CRAMP1: variants seen among roughly 807,000 people sequenced by gnomAD.
The protein encoded by CRAMP1 is protein cramped-like.
A neutral mutation model predicts 115.4 loss-of-function variants in CRAMP1; 50 were observed. That is an observed-to-expected ratio of 0.43 (90% CI 0.35 to 0.55). The LOEUF (loss-of-function observed/expected upper bound fraction) is 0.55. Among genes scored for constraint, CRAMP1 ranks in the 20% least tolerant of loss-of-function variants. The pLI, the probability that CRAMP1 is intolerant of heterozygous loss-of-function variation, is 0.01. For synonymous variants in CRAMP1, 866 were observed against 745.4 expected (o/e 1.16, Z -2.64); for missense variants, 1,679 against 1,721.7 (o/e 0.98, Z 0.44).
chr16:1,658,870 G>A (rs941131398), intron 10 of CRAMP1, among the ~76,000 whole-genome samples: 5 of 152,164 alleles, frequency 3.3e-5, no homozygotes, highest in Non-Finnish European at 5.9e-5. Context: ...AGGTTGCCCC[G>A]GGTGGGATGT....
At chr16:1,618,034 G>A (rs747754743) in intron 2 of CRAMP1, among the ~76,000 whole-genome samples, 22 of 152,276 alleles carry the variant, frequency 1.4e-4, no homozygotes, top group Middle Eastern at 3.4e-3. Context: ...CGTGACCCTG[G>A]GACGCACTGG....
At position 1,672,081 on chromosome 16, in the gene CRAMP1, C is replaced by T. The variant is rs1053278751; in HGVS notation, c.3645+1272C>T. 1.5e-4 allele frequency among the ~76,000 whole-genome samples: 23 copies of T among 152,264 alleles called. No individual in the cohort carries two copies. Among genetic ancestry groups the T allele is most frequent in the African/African-American group, 5.1e-4 (21 of 41,558 alleles). ...GCTCTGTGGAGATGGGCGCTGCGTA[C>T]GTGCCCTGAGGCAGCATGCTCACGC... On this transcript the variant is annotated intron_variant, in intron 20 of 20. Transcript: ENST00000397412. The surrounding 1 kb of genome is among the most constrained non-coding windows in gnomAD (Gnocchi z 4.9).
At chr16:1,629,859 C>T (rs2036535624) in intron 3 of CRAMP1, among the ~76,000 whole-genome samples, 1 of 152,166 alleles carries the variant, frequency 6.6e-6, no homozygotes, top group South Asian at 2.1e-4. Context: ...GGGGTGCCAG[C>T]CTTCCAGCCC....
At chr16:1,633,646 A>T (rs539640810) in intron 4 of CRAMP1, among the ~76,000 whole-genome samples, 2 of 152,302 alleles carry the variant, frequency 1.3e-5, no homozygotes, top group Non-Finnish European at 1.5e-5. Flanking sequence ...CCGTCATCCA[A>T]GGCTGTTGTG....
intron 6 of CRAMP1, among the ~76,000 whole-genome samples, chr16:1,643,565 C>G (rs1465315286): frequency 6.6e-6 from 1 of 151,890 alleles, no homozygotes; most frequent in African/African-American, 2.4e-5. Context: ...AAAAAAAACC[C>G]TCAGGTGGTT....
intron 13 of CRAMP1, 93 bp downstream of exon 13, chr16:1,662,928 A>G: frequency 1.0e-6 from 1 of 991,028 alleles, no homozygotes; most frequent in Non-Finnish European, 1.5e-6. Flanking sequence ...CATGGTGTAA[A>G]ATGTGGGAAA....
chr16:1,660,745 G>C (rs2036821519), intron 11 of CRAMP1, among the ~76,000 whole-genome samples: 2 of 152,230 alleles, frequency 1.3e-5, no homozygotes, highest in Admixed American at 1.3e-4. Context: ...AGTGGCTGAT[G>C]CCTGTAATCC....
At chr16:1,628,008 AG>A in intron 3 of CRAMP1, among the ~76,000 whole-genome samples, 1 of 152,296 alleles carries the variant, frequency 6.6e-6, no homozygotes, top group South Asian at 2.1e-4. Flanking sequence ...AAGGTAGCAG[AG>A]GAGGAGTTCC....
chr16:1,639,500 C>T (rs557702360), intron 5 of CRAMP1, among the ~76,000 whole-genome samples: 2 of 151,928 alleles, frequency 1.3e-5, no homozygotes, highest in South Asian at 4.2e-4. Flanking sequence ...AAAGGTTACA[C>T]TCTATGCAAG....
At chr16:1,633,758 C>A (rs543053621) in intron 4 of CRAMP1, among the ~76,000 whole-genome samples, 1 of 152,154 alleles carries the variant, frequency 6.6e-6, no homozygotes, top group African/African-American at 2.4e-5. Flanking sequence ...TCCTTTGCAT[C>A]GTTCATTAGT....
At chr16:1,657,757 C>T (rs1459822950) in intron 10 of CRAMP1, among the ~76,000 whole-genome samples, 3 of 152,132 alleles carry the variant, frequency 2.0e-5, no homozygotes, top group Admixed American at 6.5e-5. Context: ...GTAATCCTAC[C>T]CCACAGCCCC....
intron 6 of CRAMP1, among the ~76,000 whole-genome samples, chr16:1,645,819 A>C (rs1364375767): frequency 3.9e-5 from 6 of 152,104 alleles, no homozygotes; most frequent in African/African-American, 7.2e-5. Flanking sequence ...TTAGTTTTGT[A>C]GATTGGCCTC....
At position 1,667,355 on chromosome 16, in the gene CRAMP1, C is replaced by T; in HGVS notation, c.3057C>T (p.Ser1019=). The part of the protein sequence containing the change: ...PTVGGSDPFV[S]IPSRPEQEPV... ...TGCAGGGCTCCGACCCATTTGTCAG[C>T]ATCCCTTCGAGGCCTGAGCAGGAGC... The change falls in exon 17 of 21, where the codon AGC becomes AGT. Residue 1019 remains serine, a synonymous_variant. Transcript: ENST00000397412. 1 of 1,613,266 alleles carries T rather than the reference C, an allele frequency of 6.2e-7. No homozygotes were observed. Among genetic ancestry groups the T allele is most frequent in the Non-Finnish European group, 8.5e-7 (1 of 1,179,808 alleles).
At position 1,632,245 on chromosome 16, in the gene CRAMP1, A is replaced by G. The variant is rs2036553134; in HGVS notation, c.574A>G (p.Ile192Val). 6.3e-7 allele frequency: 1 copy of G among 1,575,590 alleles called. No individual in the cohort carries two copies. ...GKDFEAIQNN[I>V]ALKYKKKGKP... The stretch of plus-strand genomic sequence containing the variant: ...AGACTTTGAAGCGATTCAGAACAAC[A>G]TTGCGCTGAAGTACAAGAAGAAAGG... The change falls in exon 4 of 21, where the codon ATT becomes GTT. Residue 192 changes from isoleucine to valine, a missense_variant. Transcript: ENST00000397412.
chr16:1,626,801 A>C (rs2036511753), intron 3 of CRAMP1, among the ~76,000 whole-genome samples: 1 of 150,686 alleles, frequency 6.6e-6, no homozygotes. Context: ...TTTGCTCTGT[A>C]TTTTTTTTTA....
rs142997152 is a variant in CRAMP1 at position 1,636,482 on chromosome 16, C to T, written c.695-1342C>T. On this transcript the variant is annotated intron_variant, in intron 4 of 20. Coordinates refer to ENST00000397412, the MANE Select transcript of CRAMP1 (RefSeq NM_020825.4). ...CAGTTGGCCTGTGCTTAGCCGTGTC[C>T]GAGACCCATGGTCCAGAATCCTCCT... is the stretch of plus-strand genomic sequence containing the variant. 5.3e-3 allele frequency among the ~76,000 whole-genome samples: 809 copies of T among 152,300 alleles called. 8 individuals are homozygous for T. Among genetic ancestry groups the T allele is most frequent in the African/African-American group, 0.017 (722 of 41,560 alleles).
chr16:1,620,562 C>T, intron 2 of CRAMP1: 1 of 447,878 alleles, frequency 2.2e-6, no homozygotes, highest in Admixed American at 2.4e-5. Context: ...AGAAAGAGTG[C>T]TCCAGGACAG....
chr16:1,640,458 T>C (rs2036622657), intron 5 of CRAMP1, among the ~76,000 whole-genome samples: 1 of 152,204 alleles, frequency 6.6e-6, no homozygotes, highest in East Asian at 1.9e-4. Context: ...TTCAGCCTGG[T>C]CGTTCGTTTG....
At chr16:1,638,859 C>G (rs950826349) in intron 5 of CRAMP1, among the ~76,000 whole-genome samples, 1 of 151,938 alleles carries the variant, frequency 6.6e-6, no homozygotes, top group Non-Finnish European at 1.5e-5. Flanking sequence ...CTGCTGCAAT[C>G]TAGTGTGGCA....
Sources: allele counts gnomAD v4.1 joint callset (sites outside exome capture counted in the v4.1 genomes callset), GRCh38; gene constraint gnomAD v4.1.1; non-coding constraint Gnocchi (gnomAD v3.1); transcripts MANE v1.5; gene names NCBI Gene and HGNC (gene_info 2026-07-23, HGNC 2026-07-21).